The following XIRP2 variants were observed in gnomAD, a reference collection of about 807,000 sequenced individuals.
The protein encoded by XIRP2 is xin actin binding repeat containing 2, also known as xin actin-binding repeat-containing protein 2.
A neutral mutation model predicts 277.0 loss-of-function variants in XIRP2; 236 were observed. That is an observed-to-expected ratio of 0.85 (90% CI 0.77 to 0.95). XIRP2 has a LOEUF of 0.95. Ranked by LOEUF, XIRP2 falls within the 40% of genes least tolerant of loss-of-function variation. The pLI is 0.00. For missense variants in XIRP2, 4,640 were observed against 4,157.5 expected, an observed-to-expected ratio of 1.12 and a Z score of -3.19; for synonymous variants, 1,490 against 1,416.5, an observed-to-expected ratio of 1.05 and a Z score of -1.17.
intron 2 of XIRP2, among the ~76,000 whole-genome samples, chr2:167,025,722 C>G: frequency 6.6e-6 from 1 of 152,154 alleles, no homozygotes; most frequent in East Asian, 1.9e-4. Flanking sequence ...ACCCAGTAGT[C>G]ATTCAGGAGC....
chr2:167,187,507 G>C (rs925410253), intron 3 of XIRP2: 3 of 984,982 alleles, frequency 3.0e-6, no homozygotes, highest in Non-Finnish European at 2.4e-6. Flanking sequence ...CACAAACTTG[G>C]GGTTAAACCT....
At chr2:166,936,178 T>C (rs190187367) in intron 2 of XIRP2, among the ~76,000 whole-genome samples, 2 of 152,240 alleles carry the variant, frequency 1.3e-5, no homozygotes, top group African/African-American at 4.8e-5. Flanking sequence ...ATGAGCATTT[T>C]TTCATGTGTC....
intron 3 of XIRP2, among the ~76,000 whole-genome samples, chr2:167,171,066 A>C (rs190523957): frequency 2.6e-5 from 4 of 151,548 alleles, no homozygotes; most frequent in East Asian, 3.9e-4. Flanking sequence ...TACCCAGCTA[A>C]TTTTTGTATT....
intron 2 of XIRP2, among the ~76,000 whole-genome samples, chr2:167,109,424 G>A (rs1485418080): frequency 6.6e-6 from 1 of 152,074 alleles, no homozygotes; most frequent in Admixed American, 6.6e-5. Context: ...GGGACTACAG[G>A]CATGTGCCAC....
chr2:166,985,138 T>C (rs917183777), intron 2 of XIRP2, among the ~76,000 whole-genome samples: 4 of 152,214 alleles, frequency 2.6e-5, no homozygotes, highest in Non-Finnish European at 4.4e-5. Context: ...GTTGGGGTAA[T>C]GCTAAACACA....
intron 3 of XIRP2, among the ~76,000 whole-genome samples, chr2:167,152,243 A>G (rs1692038623): frequency 1.3e-5 from 2 of 152,066 alleles, no homozygotes; most frequent in African/African-American, 4.8e-5. Flanking sequence ...TCCACTTGAG[A>G]TGTATCCGCC....
chr2:166,913,769 A>T (rs566378119), intron 2 of XIRP2, among the ~76,000 whole-genome samples: 3 of 152,202 alleles, frequency 2.0e-5, no homozygotes, highest in African/African-American at 7.2e-5. Flanking sequence ...TTTTGCAAAC[A>T]CTCTCCCACA....
chr2:167,091,550 T>C (rs142329188), intron 2 of XIRP2, among the ~76,000 whole-genome samples: 8 of 152,238 alleles, frequency 5.3e-5, no homozygotes, highest in African/African-American at 1.7e-4. Context: ...ATATTTCAAG[T>C]TCTTTCCTGA....
chr2:167,101,555 G>A (rs1318888041), intron 2 of XIRP2, among the ~76,000 whole-genome samples: 1 of 152,162 alleles, frequency 6.6e-6, no homozygotes, highest in African/African-American at 2.4e-5. Flanking sequence ...CCAGTTATGA[G>A]TGAGAACACA....
intron 3 of XIRP2, among the ~76,000 whole-genome samples, chr2:167,147,730 T>C (rs1691900108): frequency 6.6e-6 from 1 of 152,206 alleles, no homozygotes; most frequent in African/African-American, 2.4e-5. Context: ...TATGCCTTGT[T>C]TGTCATTTGC....
intron 3 of XIRP2, among the ~76,000 whole-genome samples, chr2:167,201,865 G>A (rs1039971191): frequency 3.3e-5 from 5 of 151,992 alleles, no homozygotes; most frequent in African/African-American, 9.7e-5. Flanking sequence ...ATATATTTAC[G>A]TAAGAGACTG....
chr2:166,988,150 A>G (rs1687059342), intron 2 of XIRP2, among the ~76,000 whole-genome samples: 3 of 152,192 alleles, frequency 2.0e-5, no homozygotes, highest in South Asian at 2.1e-4. Context: ...GTAATAAGAC[A>G]TGTGGATATC....
At chr2:167,196,913 T>C (rs563575753) in intron 3 of XIRP2, among the ~76,000 whole-genome samples, 1 of 152,296 alleles carries the variant, frequency 6.6e-6, no homozygotes, top group South Asian at 2.1e-4. Context: ...CTGGGGAGGC[T>C]AGTTATTTTC....
chr2:166,932,547 A>C (rs1685372287), intron 2 of XIRP2, among the ~76,000 whole-genome samples: 1 of 152,070 alleles, frequency 6.6e-6, no homozygotes, highest in South Asian at 2.1e-4. Context: ...TTTGCTCATC[A>C]GAAGTGTTTT....
intron 4 of XIRP2, among the ~76,000 whole-genome samples, chr2:167,212,257 G>T (rs1694068806): frequency 6.6e-6 from 1 of 152,124 alleles, no homozygotes; most frequent in South Asian, 2.1e-4. Flanking sequence ...CCCCCTACTG[G>T]ATCATTGAGG....
At chr2:167,186,732 T>C (rs925111166) in intron 3 of XIRP2, among the ~76,000 whole-genome samples, 2 of 152,038 alleles carry the variant, frequency 1.3e-5, no homozygotes, top group Non-Finnish European at 2.9e-5. Flanking sequence ...TTAAAGCCAA[T>C]ATTAATGAGC....
chr2:166,998,623 C>T (rs373553227), intron 2 of XIRP2, among the ~76,000 whole-genome samples: 2 of 152,022 alleles, frequency 1.3e-5, no homozygotes, highest in South Asian at 2.1e-4. Context: ...GGTGAAAGAG[C>T]GAGACTCCAT....
At chr2:167,236,594 T>C (rs1025248134) in intron 5 of XIRP2, among the ~76,000 whole-genome samples, 6 of 152,056 alleles carry the variant, frequency 3.9e-5, no homozygotes, top group African/African-American at 9.7e-5. Context: ...CCTCATGAGA[T>C]GAAAGACATG....
rs549881474 is a variant in XIRP2, at chr2:167,092,836, A to T, written c.409-43073A>T. ...TAAGCAAATTACATGCCAGATACTG[A>T]TCCAGAAAAAGACAGCCCACTACTG... On this transcript the variant is annotated intron_variant, in intron 2 of 10. Coordinates refer to ENST00000409195, the MANE Select transcript of XIRP2 (RefSeq NM_152381.6). 2.9e-3 allele frequency among the ~76,000 whole-genome samples: 443 copies of T among 152,254 alleles called. 5 individuals are homozygous for T. Among genetic ancestry groups the T allele is most frequent in the African/African-American group, 0.01 (422 of 41,530 alleles).
Sources: gnomAD v4.1 joint callset for allele counts (sites outside exome capture counted in the v4.1 genomes callset) on GRCh38, gnomAD v4.1.1 for gene constraint, MANE v1.5 for transcripts, NCBI Gene and HGNC (gene_info 2026-07-23, HGNC 2026-07-21) for gene names.